Variants in CDC42BPA observed in about 807,000 individuals in gnomAD.
CDC42BPA encodes the protein serine/threonine-protein kinase MRCK alpha.
Under a neutral mutation model 223.5 loss-of-function variants are expected in CDC42BPA, and 80 were observed. That is an observed-to-expected ratio of 0.36 (90% CI 0.30 to 0.43). CDC42BPA has a LOEUF of 0.43. Ranked by LOEUF, CDC42BPA falls within the 20% of genes least tolerant of loss-of-function variation. The pLI is 1.00. For synonymous variants in CDC42BPA, 694 were observed against 718.6 expected (o/e 0.97, Z 0.55); for missense variants, 1,743 against 2,099.9 (o/e 0.83, Z 3.32).
chr1:227,226,278 C>T (rs1676852245), intron 2 of CDC42BPA, among the ~76,000 whole-genome samples: 1 of 152,314 alleles, frequency 6.6e-6, no homozygotes, highest in South Asian at 2.1e-4. Context: ...CCCAACTTTG[C>T]ATTTAGGAGA....
At chr1:227,024,416 A>C (rs1667888168) in intron 31 of CDC42BPA, among the ~76,000 whole-genome samples, 1 of 152,222 alleles carries the variant, frequency 6.6e-6, no homozygotes, top group East Asian at 1.9e-4. Flanking sequence ...TATCTCATAA[A>C]GCTGACTGAA....
chr1:227,045,205 T>C (rs1672188593), intron 23 of CDC42BPA, among the ~76,000 whole-genome samples: 1 of 152,258 alleles, frequency 6.6e-6, no homozygotes, highest in Non-Finnish European at 1.5e-5. Context: ...CTTTGAGATC[T>C]GGAATTTCTC....
At chr1:227,284,278 C>A (rs910145649) in intron 1 of CDC42BPA, among the ~76,000 whole-genome samples, 4 of 151,952 alleles carry the variant, frequency 2.6e-5, no homozygotes, top group Admixed American at 2.0e-4. Flanking sequence ...ATATTTTATT[C>A]TCCTTGAAAT....
intron 2 of CDC42BPA, among the ~76,000 whole-genome samples, chr1:227,237,253 G>C (rs1363136730): frequency 6.6e-6 from 1 of 151,986 alleles, no homozygotes; most frequent in Non-Finnish European, 1.5e-5. Context: ...ATCTGGAAAA[G>C]TTATTACATG....
Position 227,159,450 on chromosome 1 carries a change from C to G in CDC42BPA, c.693+1093G>C, listed in dbSNP as rs12741027. Among the ~76,000 whole-genome samples the G allele has an allele frequency of 4.9e-3, 741 of 152,104 alleles. 5 individuals are homozygous for G. Among genetic ancestry groups the G allele is most frequent in the Non-Finnish European group, 6.1e-3 (416 of 68,004 alleles). On this transcript the variant is annotated intron_variant, in intron 6 of 36. Coordinates refer to ENST00000366766, the MANE Select transcript of CDC42BPA (RefSeq NM_001394014.1). ...GCAGTGAGCTAAGATGGCGCCTCTG[C>G]ACTCCAGCCTAGGCAACAGAGACTT...
Position 227,031,954 on chromosome 1 carries a change from C to G in CDC42BPA, c.3559-440G>C, listed in dbSNP as rs926729336. 2.0e-5 allele frequency among the ~76,000 whole-genome samples: 3 copies of G among 152,080 alleles called. No individual in the cohort carries two copies. In the South Asian group the frequency reaches 6.2e-4, roughly 31 times the overall value. On this transcript the variant is annotated intron_variant, in intron 27 of 36. Coordinates refer to ENST00000366766, the MANE Select transcript of CDC42BPA (RefSeq NM_001394014.1). ...TTTATATATGAAAAAAATGGTGATG[C>G]AAAGAAATTAAATCATTTCTCCAAG... is the stretch of plus-strand genomic sequence containing the variant.
At chr1:227,245,979 G>C (rs935126516) in intron 2 of CDC42BPA, among the ~76,000 whole-genome samples, 2 of 152,192 alleles carry the variant, frequency 1.3e-5, no homozygotes, top group Non-Finnish European at 2.9e-5. Flanking sequence ...AGGTATCACA[G>C]TGGGACAGAA....
chr1:227,276,347 G>C (rs144218379), intron 1 of CDC42BPA, among the ~76,000 whole-genome samples: 8,127 of 148,204 alleles, frequency 0.055, 240 homozygotes, highest in Non-Finnish European at 0.073. Flanking sequence ...GTCTCTGCCC[G>C]GCCGCCCCGT....
At chr1:227,244,819 C>T (rs1326192882) in intron 2 of CDC42BPA, among the ~76,000 whole-genome samples, 2 of 152,232 alleles carry the variant, frequency 1.3e-5, no homozygotes, top group Non-Finnish European at 1.5e-5. Context: ...GATGCCACCC[C>T]TATTTCCTAT....
intron 5 of CDC42BPA, among the ~76,000 whole-genome samples, chr1:227,185,400 C>G (rs191635989): frequency 6.6e-6 from 1 of 152,162 alleles, no homozygotes; most frequent in Non-Finnish European, 1.5e-5. Flanking sequence ...CCCTTGCCCC[C>G]ACATGTGCCT....
At position 227,213,289 on chromosome 1, in the gene CDC42BPA, T is replaced by C. The variant is rs1251033673; in HGVS notation, c.271-70A>G. ...AATTTTTTCAGCCATCCATTTTCCT[T>C]TTTCCTCTGTAAAAAAATAAATACC... On this transcript the variant is annotated intron_variant, in intron 2 of 36. Coordinates refer to ENST00000366766, the MANE Select transcript of CDC42BPA (RefSeq NM_001394014.1). The C allele has an allele frequency of 2.0e-5, 15 of 743,180 alleles. No individual in the cohort carries two copies. In the East Asian group the frequency reaches 4.0e-4, roughly 20 times the overall value. The allele number at this position is 743,180 out of a possible 1,614,324, so 46.0% of individuals were successfully genotyped here.
chr1:227,108,465 T>C (rs1191283004), intron 14 of CDC42BPA, among the ~76,000 whole-genome samples: 3 of 152,154 alleles, frequency 2.0e-5, no homozygotes, highest in African/African-American at 7.2e-5. Context: ...TTGGAGATGA[T>C]ACCTCATACG....
intron 14 of CDC42BPA, among the ~76,000 whole-genome samples, chr1:227,103,994 A>G (rs888391524): frequency 2.0e-5 from 3 of 152,150 alleles, no homozygotes; most frequent in African/African-American, 7.2e-5. Flanking sequence ...TAAGGGATAC[A>G]TGATAAATTG....
chr1:227,138,706 A>G (rs1173692456), intron 10 of CDC42BPA, among the ~76,000 whole-genome samples: 1 of 151,954 alleles, frequency 6.6e-6, no homozygotes, highest in African/African-American at 2.4e-5. Flanking sequence ...ATCTGAATTA[A>G]TATTAGTCAG....
In CDC42BPA at chr1:227,054,998, T is replaced by C. The variant is rs1011996842; in HGVS notation, c.2905-3013A>G. Among the ~76,000 whole-genome samples the C allele has an allele frequency of 9.2e-5, 14 of 152,110 alleles. No homozygotes were observed. The South Asian group carries it at 2.5e-3, about 27-fold the overall frequency. ...ATATTTTGAGATGGTATTAGGCATA[T>C]TAAAAAGTTGAACTATGCCATTTAT... On this transcript the variant is annotated intron_variant, in intron 21 of 36. Coordinates refer to ENST00000366766, the MANE Select transcript of CDC42BPA (RefSeq NM_001394014.1).
chr1:227,176,524 T>C (rs573881138), intron 5 of CDC42BPA, among the ~76,000 whole-genome samples: 2 of 152,322 alleles, frequency 1.3e-5, no homozygotes, highest in Admixed American at 1.3e-4. Context: ...CTACCTACTT[T>C]TACAGTTATA....
chr1:227,078,581 T>G (rs1679969709), intron 17 of CDC42BPA, among the ~76,000 whole-genome samples: 2 of 152,116 alleles, frequency 1.3e-5, no homozygotes, highest in African/African-American at 4.8e-5. Context: ...AGGTTCCTAC[T>G]CTAACGGCGG....
At chr1:227,048,148 C>A in intron 22 of CDC42BPA, 138 bp from the exon 23 acceptor site, 1 of 467,626 alleles carries the variant, frequency 2.1e-6, no homozygotes, top group Non-Finnish European at 3.8e-6. Flanking sequence ...TAAAGAAAAC[C>A]TCAATAAAGC....
intron 35 of CDC42BPA, 56 bp downstream of exon 35, chr1:227,004,938 A>C (rs1160863232): frequency 8.9e-7 from 1 of 1,125,366 alleles, no homozygotes; most frequent in Non-Finnish European, 1.4e-6. Flanking sequence ...ACAGGAGGGG[A>C]GGGAGCTGGG....
Sources: allele counts gnomAD v4.1 joint callset (sites outside exome capture counted in the v4.1 genomes callset), GRCh38; gene constraint gnomAD v4.1.1; transcripts MANE v1.5; gene names NCBI Gene and HGNC (gene_info 2026-07-23, HGNC 2026-07-21).